The following ZSCAN12 variants were observed in gnomAD, a reference collection of about 807,000 sequenced individuals.
The protein encoded by ZSCAN12 is zinc finger and SCAN domain-containing protein 12.
A neutral mutation model predicts 23.4 loss-of-function variants in ZSCAN12; 18 were observed. The ratio of observed to expected loss-of-function variants is 0.77; its 90% CI spans 0.53 to 1.14. The LOEUF (loss-of-function observed/expected upper bound fraction) is 1.14, where lower values mean the gene tolerates loss of function less well. Among genes scored for constraint, ZSCAN12 ranks in the 50% most tolerant of loss-of-function variants. The pLI, the probability that ZSCAN12 is intolerant of heterozygous loss-of-function variation, is 0.00. For synonymous variants in ZSCAN12, 186 were observed against 253.4 expected (o/e 0.73, Z 2.53); for missense variants, 650 against 735.0 (o/e 0.88, Z 1.34).
downstream of ZSCAN12, among the ~76,000 whole-genome samples, chr6:28,383,509 CCCAGCTGAGCAGCGCAAGTT>C (rs1341673323): frequency 2.0e-5 from 3 of 152,164 alleles, no homozygotes; most frequent in African/African-American, 7.2e-5. Flanking sequence ...CGAACCCCGC[CCCAGCTGAGCAGCGCAAGTT>C]CCAGCTGAGC....
chr6:28,382,291 T>C, downstream of ZSCAN12: 1 of 706,492 alleles, frequency 1.4e-6, no homozygotes. Flanking sequence ...GCTTCCTAAG[T>C]CTTCTGACAG....
In ZSCAN12 at chr6:28,391,767, C is replaced by G; in HGVS notation, c.548-25G>C. Reference sequence around the variant, plus strand: ...ACTAAGAAGGGATCATAAATGTTACCTCTTTCTACCTTTAAAATGTATCCA... The same window carrying G: ...ACTAAGAAGGGATCATAAATGTTACGTCTTTCTACCTTTAAAATGTATCCA... On this transcript the variant is annotated intron_variant, in intron 3 of 3. Coordinates refer to ENST00000684592, the MANE Select transcript of ZSCAN12 (RefSeq NM_001163391.2). The surrounding 1 kb of genome is among the most constrained non-coding windows in gnomAD (Gnocchi z 4.1). The G allele has an allele frequency of 1.4e-6, 2 of 1,449,654 alleles. No homozygotes were observed. 89.8% of individuals were successfully genotyped at this position (1,449,654 alleles called of 1,614,324 possible).
At position 28,390,062 on chromosome 6, in the gene ZSCAN12, G is replaced by A. The variant is rs1038973196; in HGVS notation, c.*392C>T. 2.6e-5 allele frequency among the ~76,000 whole-genome samples: 4 copies of A among 152,086 alleles called. No homozygotes were observed. The highest frequency in any genetic ancestry group is 7.2e-5 in the African/African-American group (3 of 41,408). On this transcript the variant is annotated 3_prime_UTR_variant, in exon 4 of 4. Coordinates refer to ENST00000684592, the MANE Select transcript of ZSCAN12 (RefSeq NM_001163391.2). Reference sequence around the variant, plus strand: ...TCCCTTTTGACTGCTAAGTCTGCCCGTCAAATCCTTATTTTAAATAAAATC... The same window carrying A: ...TCCCTTTTGACTGCTAAGTCTGCCCATCAAATCCTTATTTTAAATAAAATC...
chr6:28,390,314 T>C lies in ZSCAN12; in HGVS notation c.*140A>G. On this transcript the variant is annotated 3_prime_UTR_variant, in exon 4 of 4. Transcript: ENST00000684592. ...TTGTTCTCCACAGCACGTAGTACAA[T>C]GGGCAGCACACAGTGAATTCTTATT... is the stretch of plus-strand genomic sequence containing the variant. 1.7e-6 allele frequency: 1 copy of C among 601,714 alleles called. No homozygotes were observed. The highest frequency in any genetic ancestry group is 2.7e-6 in the Non-Finnish European group (1 of 371,004). The allele number at this position is 601,714 out of a possible 1,614,324, so 37.3% of individuals were successfully genotyped here. A position where few individuals can be genotyped will look rare whatever the true frequency, so the allele number is the denominator to read the frequency against.
At chr6:28,378,932 A>G (rs1444730105), downstream of ZSCAN12, 1 of 152,206 alleles carries the variant, frequency 6.6e-6, no homozygotes, top group Non-Finnish European at 1.5e-5. Flanking sequence ...CAGATACTGG[A>G]AAAGCTTTTT....
chr6:28,382,282 C>T, downstream of ZSCAN12: 1 of 625,024 alleles, frequency 1.6e-6, no homozygotes, highest in Non-Finnish European at 2.4e-6. Flanking sequence ...ACTGGCAAAG[C>T]TTCCTAAGTC....
chr6:28,384,433 AACAG>A (rs1017190062), downstream of ZSCAN12, among the ~76,000 whole-genome samples: 1 of 152,200 alleles, frequency 6.6e-6, no homozygotes, highest in African/African-American at 2.4e-5. Flanking sequence ...GGCAGGAGCA[AACAG>A]ACATATACCC....
chr6:28,394,348 T>C (rs566860143), intron 2 of ZSCAN12, among the ~76,000 whole-genome samples: 135 of 152,276 alleles, frequency 8.9e-4, no homozygotes, highest in Admixed American at 1.7e-3. Flanking sequence ...CTCAAATTAC[T>C]CCCCCATTCT....
downstream of ZSCAN12, chr6:28,381,807 T>C (rs776101444): frequency 2.6e-5 from 4 of 152,246 alleles, no homozygotes; most frequent in African/African-American, 4.8e-5. Flanking sequence ...TATCTTGTTA[T>C]ATCATTTAGC....
chr6:28,397,518 AAC>A lies in ZSCAN12; in HGVS notation c.402+484_402+485del, dbSNP rs370486385. The stretch of plus-strand genomic sequence containing the variant: ...AACTGGGCTTTCTGCTACTCAAAGA[AAC>A]ACAGATTCCCCACCCTGCTCTCCTC... On this transcript the variant is annotated intron_variant, in intron 2 of 3. Coordinates refer to ENST00000684592, the MANE Select transcript of ZSCAN12 (RefSeq NM_001163391.2). 6.6e-3 allele frequency among the ~76,000 whole-genome samples: 1,003 copies of A among 152,280 alleles called. 11 individuals are homozygous for A. The highest frequency in any genetic ancestry group is 0.022 in the African/African-American group (918 of 41,550).
rs886189367 is a variant in ZSCAN12 at position 28,390,156 on chromosome 6, G to A, written c.*298C>T. ...TACAGCACTTATAGTCTGTTACAAA[G>A]TACCACTTTCATTCGACACCATCTG... On this transcript the variant is annotated 3_prime_UTR_variant, in exon 4 of 4. Transcript: ENST00000684592. Among the ~76,000 whole-genome samples the A allele has an allele frequency of 2.6e-5, 4 of 152,022 alleles. No individual in the cohort carries two copies. The highest frequency in any genetic ancestry group is 9.7e-5 in the African/African-American group (4 of 41,346).
intron 2 of ZSCAN12, among the ~76,000 whole-genome samples, chr6:28,395,831 A>G (rs1362539600): frequency 1.3e-5 from 2 of 152,192 alleles, no homozygotes; most frequent in African/African-American, 4.8e-5. Flanking sequence ...GTTATCCCTG[A>G]TAGCTTATGG....
At chr6:28,379,360 G>A (rs1760111749) in exon 5 of ZSCAN12, 1 of 152,168 alleles carries the variant, frequency 6.6e-6, no homozygotes, top group Admixed American at 6.5e-5. Context: ...CCTGAACTTT[G>A]GGAGGCCAAG....
Position 28,390,833 on chromosome 6 carries a change from T to C in ZSCAN12, c.1457A>G (p.Glu486Gly), listed in dbSNP as rs779594103. Residue 486 changes from glutamate (E) to glycine (G), a missense_variant, in exon 4 of 4, where the codon GAA (glutamate) becomes GGA (glycine). Glu to Gly is a moderately conservative substitution (Grantham distance 98). Transcript: ENST00000684592. Reference protein sequence around the residue: ...KAFIQRTSLTEHQRIHTGERP... With the variant: ...KAFIQRTSLTGHQRIHTGERP... ...TTCTCCAGTGTGAATTCGCTGATGT[T>C]CTGTAAGACTTGTCCTTTGAATAAA... 43 of 1,594,592 alleles carry C rather than the reference T, an allele frequency of 2.7e-5. No individual in the cohort carries two copies. The highest frequency in any genetic ancestry group is 3.6e-5 in the Non-Finnish European group (42 of 1,169,872).
chr6:28,382,522 T>A (rs752822352), downstream of ZSCAN12: 2 of 1,551,988 alleles, frequency 1.3e-6, no homozygotes, highest in Non-Finnish European at 1.7e-6. Flanking sequence ...ATTGCCATTC[T>A]GGAATGAGAG....
chr6:28,382,933 C>A (rs1581759476), downstream of ZSCAN12, among the ~76,000 whole-genome samples: 1 of 98,436 alleles, frequency 1.0e-5, no homozygotes, highest in East Asian at 2.5e-4. Context: ...TAAAATGCAC[C>A]ATACATGCAA....
At chr6:28,394,010 T>G (rs914494753) in intron 2 of ZSCAN12, among the ~76,000 whole-genome samples, 2 of 152,184 alleles carry the variant, frequency 1.3e-5, no homozygotes, top group African/African-American at 4.8e-5. Context: ...ATGTCTTCTC[T>G]TTTTCAAGGC....
At chr6:28,382,557 C>T, downstream of ZSCAN12, 1 of 1,551,816 alleles carries the variant, frequency 6.4e-7, no homozygotes, top group Non-Finnish European at 8.7e-7. Flanking sequence ...TTCACTCCAG[C>T]TTGGGGTTCA....
rs1202641276 is a variant in ZSCAN12, at chr6:28,386,039, A to G, written c.*4415T>C. On this transcript the variant is annotated 3_prime_UTR_variant, in exon 4 of 4. Transcript: ENST00000684592. ...CTCTGGCAACCTCTTAATACAATTT[A>G]TTTTTGGAAGGAGGGCCCCATTCTT... is the stretch of plus-strand genomic sequence containing the variant. 6.6e-6 allele frequency among the ~76,000 whole-genome samples: 1 copy of G among 152,024 alleles called. No homozygotes were observed. The highest frequency in any genetic ancestry group is 1.5e-5 in the Non-Finnish European group (1 of 68,000).
Sources: gnomAD v4.1 joint callset for allele counts (sites outside exome capture counted in the v4.1 genomes callset) on GRCh38, gnomAD v4.1.1 for gene constraint, Gnocchi (gnomAD v3.1) non-coding constraint, MANE v1.5 for transcripts, NCBI Gene and HGNC (gene_info 2026-07-23, HGNC 2026-07-21) for gene names.